The following GTF2A1 variants were observed in gnomAD, a reference collection of about 807,000 sequenced individuals.
GTF2A1 encodes transcription initiation factor IIA subunit 1.
A neutral mutation model predicts 54.1 loss-of-function variants in GTF2A1; 12 were observed. That is an observed-to-expected ratio of 0.22 (90% CI 0.14 to 0.36). The LOEUF (loss-of-function observed/expected upper bound fraction) is 0.36, where lower values mean the gene tolerates loss of function less well. GTF2A1 is among the 10% of genes least tolerant of loss of function. GTF2A1 has a pLI of 1.00. For synonymous variants in GTF2A1, 145 were observed against 152.0 expected (o/e 0.95, Z 0.34); for missense variants, 335 against 442.2 (o/e 0.76, Z 2.17).
intron 4 of GTF2A1, among the ~76,000 whole-genome samples, chr14:81,198,986 C>T (rs1463043808): frequency 6.6e-6 from 1 of 151,960 alleles, no homozygotes; most frequent in African/African-American, 2.4e-5. Flanking sequence ...ATAGCCCACC[C>T]GGGTGATTCG....
chr14:81,215,435 T>C (rs888971103), intron 2 of GTF2A1, among the ~76,000 whole-genome samples: 11 of 152,156 alleles, frequency 7.2e-5, no homozygotes, highest in African/African-American at 1.9e-4. Context: ...GAAAGAACCC[T>C]TGGGGAGAAT....
chr14:81,203,768 GTTT>G (rs1341724627), intron 3 of GTF2A1, 129 bp downstream of exon 3: 7 of 704,080 alleles, frequency 9.9e-6, no homozygotes, highest in Non-Finnish European at 1.7e-5. Context: ...CAACAGAGGG[GTTT>G]TTGTTTATTT....
intron 4 of GTF2A1, among the ~76,000 whole-genome samples, chr14:81,199,536 A>T (rs962697573): frequency 2.6e-5 from 4 of 152,210 alleles, no homozygotes; most frequent in Non-Finnish European, 5.9e-5. Flanking sequence ...TGCTATTTCT[A>T]AATCAGAATA....
At chr14:81,214,817 A>G (rs563104109) in intron 2 of GTF2A1, among the ~76,000 whole-genome samples, 23 of 152,352 alleles carry the variant, frequency 1.5e-4, no homozygotes, top group Non-Finnish European at 2.6e-4. Flanking sequence ...GAAAATAGCC[A>G]TATTTTAGTA....
In GTF2A1 at chr14:81,200,885, C is replaced by CAA. The variant is rs36025974; in HGVS notation, c.402+707_402+708dup. Among the ~76,000 whole-genome samples the CAA allele has an allele frequency of 6.6e-3, 737 of 110,916 alleles. 10 individuals carry two copies. Among genetic ancestry groups the CAA allele is most frequent in the African/African-American group, 0.018 (438 of 24,572 alleles). The allele number at this position is 110,916 out of a possible 152,430, so 72.8% of individuals were successfully genotyped here. On this transcript the variant is annotated intron_variant, in intron 4 of 8. Transcript: ENST00000553612. ...TCTGACTATATTTTAATGTTTTATC[C>CAA]AAAAAAAAAAAAAAAACAAAAAACA...
intron 7 of GTF2A1, among the ~76,000 whole-genome samples, chr14:81,188,463 G>A (rs760465463): frequency 1.3e-5 from 2 of 152,154 alleles, no homozygotes; most frequent in Non-Finnish European, 2.9e-5. Context: ...TACTCTGGGT[G>A]TCATGTCTAA....
Position 81,184,603 on chromosome 14 carries a change from G to A in GTF2A1, c.1023+928C>T, listed in dbSNP as rs150865111. Among the ~76,000 whole-genome samples, 28 of 152,068 alleles carry A rather than the reference G, an allele frequency of 1.8e-4. No homozygotes were observed. The East Asian group carries it at 4.2e-3, about 23-fold the overall frequency. ...CTATAGATCTGTTTGAAGTAAGCAC[G>A]GCTACTTATCACATTCATTTCCATA... On this transcript the variant is annotated intron_variant, in intron 8 of 8. Coordinates refer to ENST00000553612, the MANE Select transcript of GTF2A1 (RefSeq NM_015859.4).
At chr14:81,212,559 G>A (rs934127) in intron 2 of GTF2A1, among the ~76,000 whole-genome samples, 5,117 of 152,118 alleles carry the variant, frequency 0.034, 277 homozygotes, top group African/African-American at 0.12. Context: ...ATTCATCTTT[G>A]TTCTCAATCT....
chr14:81,209,468 GA>G (rs1893314649), intron 2 of GTF2A1, among the ~76,000 whole-genome samples: 1 of 152,124 alleles, frequency 6.6e-6, no homozygotes, highest in African/African-American at 2.4e-5. Flanking sequence ...TTAGCAGTGT[GA>G]AAATGAACTA....
chr14:81,185,763 C>T (rs1409140446), intron 7 of GTF2A1, 143 bp from the exon 8 acceptor site: 6 of 486,468 alleles, frequency 1.2e-5, no homozygotes, highest in African/African-American at 6.0e-5. Flanking sequence ...GTCAAATCAG[C>T]TGTTAACAGT....
At chr14:81,207,131 C>CTACCTACG (rs1185571206) in intron 2 of GTF2A1, among the ~76,000 whole-genome samples, 10 of 135,032 alleles carry the variant, frequency 7.4e-5, no homozygotes, top group African/African-American at 2.4e-4. Flanking sequence ...ATCTATCTAC[C>CTACCTACG]TACCTACGTA....
chr14:81,217,767 G>A lies in GTF2A1; in HGVS notation c.31-1253C>T, dbSNP rs538537892. On this transcript the variant is annotated intron_variant, in intron 1 of 8. Coordinates refer to ENST00000553612, the MANE Select transcript of GTF2A1 (RefSeq NM_015859.4). Reference sequence around the variant, plus strand: ...AGATTGCACCACTGCCCTCCAGCCTGGGTGACAGGCCCAGACCCTGTCTCA... The same window carrying A: ...AGATTGCACCACTGCCCTCCAGCCTAGGTGACAGGCCCAGACCCTGTCTCA... Among the ~76,000 whole-genome samples the A allele has an allele frequency of 1.7e-3, 260 of 152,250 alleles. 2 individuals carry two copies. The highest frequency in any genetic ancestry group is 2.7e-3 in the Non-Finnish European group (187 of 68,028).
chr14:81,204,735 C>T (rs1052892165), intron 2 of GTF2A1, among the ~76,000 whole-genome samples: 4 of 152,184 alleles, frequency 2.6e-5, no homozygotes, highest in Non-Finnish European at 5.9e-5. Context: ...CGCCAATTGA[C>T]AATCCTTTTC....
Position 81,208,754 on chromosome 14 carries a change from T to C in GTF2A1, c.133-4650A>G, listed in dbSNP as rs561929494. Among the ~76,000 whole-genome samples, 55 of 152,354 alleles carry C rather than the reference T, an allele frequency of 3.6e-4. 1 individual carries two copies. The South Asian group carries it at 0.011, about 32-fold the overall frequency. The stretch of plus-strand genomic sequence containing the variant: ...ACCCACCTCTTGCATCAGCATGAAC[T>C]AGATGTGAGACCTGGAGTCAAAGGA... On this transcript the variant is annotated intron_variant, in intron 2 of 8. Transcript: ENST00000553612.
intron 2 of GTF2A1, among the ~76,000 whole-genome samples, chr14:81,213,854 T>A (rs1434515402): frequency 6.6e-6 from 1 of 151,766 alleles, no homozygotes; most frequent in East Asian, 1.9e-4. Context: ...CTGTTTTTTT[T>A]TTTTTTGAGA....
chr14:81,184,066 T>C (rs1446223459), intron 8 of GTF2A1, among the ~76,000 whole-genome samples: 1 of 152,210 alleles, frequency 6.6e-6, no homozygotes, highest in African/African-American at 2.4e-5. Flanking sequence ...TTTAGAGCTA[T>C]CTCCCACTTA....
chr14:81,220,877 C>T lies in GTF2A1; in HGVS notation c.-359G>A, dbSNP rs1893626404. 2 of 256,368 alleles carry T rather than the reference C, an allele frequency of 7.8e-6. No individual in the cohort carries two copies. The highest frequency in any genetic ancestry group is 2.2e-5 in the African/African-American group (1 of 44,692). 15.9% of individuals were successfully genotyped at this position (256,368 alleles called of 1,614,324 possible). On this transcript the variant is annotated 5_prime_UTR_variant, in exon 1 of 9. Transcript: ENST00000553612. ...GCCACCGGCTGCAGCTCCAGCCGTC[C>T]GGTCCGCCCGCTTCTCTCCTTTATA...
chr14:81,198,834 C>G (rs1893044304), intron 4 of GTF2A1, among the ~76,000 whole-genome samples: 1 of 152,150 alleles, frequency 6.6e-6, no homozygotes, highest in South Asian at 2.1e-4. Flanking sequence ...AATTATTAAA[C>G]TGAGTTAATA....
At chr14:81,194,423 T>C (rs1441906341) in intron 6 of GTF2A1, among the ~76,000 whole-genome samples, 1 of 152,114 alleles carries the variant, frequency 6.6e-6, no homozygotes, top group African/African-American at 2.4e-5. Context: ...GTGCAGGGAG[T>C]TGCCAGACGG....
Sources: allele counts gnomAD v4.1 joint callset (sites outside exome capture counted in the v4.1 genomes callset), GRCh38; gene constraint gnomAD v4.1.1; transcripts MANE v1.5; gene names NCBI Gene and HGNC (gene_info 2026-07-23, HGNC 2026-07-21).